Variants in SLC25A41 observed in about 807,000 individuals in gnomAD.
SLC25A41 encodes the protein solute carrier family 25 member 41.
In SLC25A41, 35 loss-of-function variants were observed where a neutral mutation model predicts 34.7. That is an observed-to-expected ratio of 1.01 (90% confidence interval 0.77 to 1.34). The LOEUF is 1.34. Ranked by LOEUF, SLC25A41 falls within the 40% of genes most tolerant of loss-of-function variation. The pLI is 0.00. For synonymous variants in SLC25A41, 190 were observed against 209.9 expected (o/e 0.91, Z 0.82); for missense variants, 492 against 489.8 (o/e 1.00, Z -0.04).
upstream of SLC25A41, among the ~76,000 whole-genome samples, chr19:6,435,627 C>T (rs1038887666): frequency 6.6e-6 from 1 of 151,768 alleles, no homozygotes; most frequent in South Asian, 2.1e-4. Flanking sequence ...GAGGCTGAGG[C>T]GGGAGGATCA....
Position 6,432,153 on chromosome 19 carries a change from C to G in SLC25A41, c.259G>C (p.Asp87His). 1 of 1,613,948 alleles carries G rather than the reference C, an allele frequency of 6.2e-7. No individual in the cohort carries two copies. The highest frequency in any genetic ancestry group is 8.5e-7 in the Non-Finnish European group (1 of 1,179,878). Residue 87 changes from aspartate (D) to histidine (H), a missense_variant, in exon 2 of 7, where the codon GAT becomes CAT. Transcript: ENST00000321510. ...AACTTCCACAAGGCCTCCTTGTTAT[C>G]CACTTCCAGGACTTCCACGGGGACC... is the stretch of plus-strand genomic sequence containing the variant. ...LMVPVEVLEVDNKEALWKFLL... is the reference protein window; with the variant it reads ...LMVPVEVLEVHNKEALWKFLL...
chr19:6,433,787 G>T, upstream of SLC25A41: 1 of 1,083,840 alleles, frequency 9.2e-7, no homozygotes, highest in Non-Finnish European at 1.3e-6. Flanking sequence ...ATTGTGTGGG[G>T]GACCAAGAGG....
chr19:6,427,581 A>G lies in SLC25A41; in HGVS notation c.625-80T>C. 4 of 1,385,290 alleles carry G rather than the reference A, an allele frequency of 2.9e-6. No individual in the cohort carries two copies. In the South Asian group the frequency reaches 6.7e-5, roughly 23 times the overall value. The allele number at this position is 1,385,290 out of a possible 1,614,324, so 85.8% of individuals were successfully genotyped here. A position where few individuals can be genotyped will look rare whatever the true frequency, so the allele number is the denominator to read the frequency against. On this transcript the variant is annotated intron_variant, in intron 4 of 6. Transcript: ENST00000321510. The surrounding 1 kb of genome is among the most constrained non-coding windows in gnomAD (Gnocchi z 4.9). ...TCGGGGTAGCCATTGTCCCCACCCT[A>G]CAAACAAGGAAAATGAGGCTCAGGA...
rs752921774 is a variant in SLC25A41 at position 6,426,524 on chromosome 19, G to C, written c.978C>G (p.Val326=). ...VEGSNPTMRG[V]LQRILAQQGW... ...CCTGCTGGGCCAGGATCCGCTGGAGGACTCCGCGCATGGTGGGATTTGAGC... is the reference window on the plus strand; with the variant it reads ...CCTGCTGGGCCAGGATCCGCTGGAGCACTCCGCGCATGGTGGGATTTGAGC... The change falls in exon 7 of 7, where the codon GTC becomes GTG. Residue 326 remains valine, a synonymous_variant. Coordinates refer to ENST00000321510, the MANE Select transcript of SLC25A41 (RefSeq NM_173637.4). The C allele has an allele frequency of 3.7e-6, 6 of 1,613,346 alleles. No homozygotes were observed. The South Asian group carries it at 5.5e-5, about 15-fold the overall frequency.
At chr19:6,429,189 A>G (rs1194441063) in intron 4 of SLC25A41, among the ~76,000 whole-genome samples, 6 of 80,034 alleles carry the variant, frequency 7.5e-5, no homozygotes, top group African/African-American at 2.8e-4. Flanking sequence ...TATATATGTT[A>G]TATATATAAT....
chr19:6,428,684 T>C (rs2092255723), intron 4 of SLC25A41, among the ~76,000 whole-genome samples: 2 of 147,008 alleles, frequency 1.4e-5, no homozygotes, highest in Admixed American at 1.4e-4. Context: ...GTATATAATA[T>C]ATGTGTATAT....
In SLC25A41 at chr19:6,426,246, C is replaced by G; in HGVS notation, c.*143G>C. 44 of 441,220 alleles carry G rather than the reference C, an allele frequency of 1.0e-4. No homozygotes were observed. The highest frequency in any genetic ancestry group is 1.7e-4 in the East Asian group (3 of 17,570). The allele number at this position is 441,220 out of a possible 1,614,324, so 27.3% of individuals were successfully genotyped here. On this transcript the variant is annotated 3_prime_UTR_variant, in exon 7 of 7. Coordinates refer to ENST00000321510, the MANE Select transcript of SLC25A41 (RefSeq NM_173637.4). ...GCTTCAGGAATCTTCTGACCCAGAG[C>G]CCCACCCCCACCCCCAGCCTGCTTT...
upstream of SLC25A41, chr19:6,436,212 G>T: frequency 3.6e-6 from 1 of 279,530 alleles, no homozygotes; most frequent in South Asian, 3.4e-5. Flanking sequence ...CTCAGGAGCC[G>T]CTGAGCCGGC....
chr19:6,426,556 C>T lies in SLC25A41; in HGVS notation c.946G>A (p.Val316Met), dbSNP rs748864739. 9.3e-6 allele frequency: 15 copies of T among 1,612,394 alleles called. No homozygotes were observed. The highest frequency in any genetic ancestry group is 1.7e-4 in the Middle Eastern group (1 of 5,990). Reference protein sequence around the residue: ...VRTRMQAQDTVEGSNPTMRGV... With the variant: ...VRTRMQAQDTMEGSNPTMRGV... ...CGCATGGTGGGATTTGAGCCCTCCACGGTATCTGCAGGGACACAGGCAAGA... is the reference window on the plus strand; with the variant it reads ...CGCATGGTGGGATTTGAGCCCTCCATGGTATCTGCAGGGACACAGGCAAGA... Residue 316 changes from valine (V) to methionine (M), a missense_variant, in exon 7 of 7, where the codon GTG (valine) becomes ATG (methionine). Val to Met is a conservative substitution (Grantham distance 21). Coordinates refer to ENST00000321510, the MANE Select transcript of SLC25A41 (RefSeq NM_173637.4).
At position 6,429,143 on chromosome 19, in the gene SLC25A41, TAA is replaced by T. The variant is rs1491457179; in HGVS notation, c.624+579_624+580del. 4.3e-3 allele frequency among the ~76,000 whole-genome samples: 194 copies of T among 45,322 alleles called. 42 individuals carry two copies. The highest frequency in any genetic ancestry group is 0.022 in the African/African-American group (188 of 8,518). 29.7% of individuals were successfully genotyped at this position (45,322 alleles called of 152,430 possible). A position where few individuals can be genotyped will look rare whatever the true frequency, so the allele number is the denominator to read the frequency against. On this transcript the variant is annotated intron_variant, in intron 4 of 6. Transcript: ENST00000321510. ...ATTATATATATGTTATATATATATA[TAA>T]TATATATATTATATATATAATATAT...
Position 6,427,411 on chromosome 19 carries a change from G to T in SLC25A41, c.715C>A (p.Arg239Ser). ...GGCAGGTAGCCGCGGTAAAGGGCGC[G>T]GGTGCCCTCTCGCTGCAAGATCTGC... ...ARQILQREGT[R>S]ALYRGYLPNM... The change falls in exon 5 of 7, where the codon CGC becomes AGC. Residue 239 changes from arginine (R) to serine (S), a missense_variant. By Grantham distance (110) the Arg-to-Ser change is moderately radical (BLOSUM62 -1). Coordinates refer to ENST00000321510, the MANE Select transcript of SLC25A41 (RefSeq NM_173637.4). The surrounding 1 kb of genome is among the most constrained non-coding windows in gnomAD (Gnocchi z 4.9). The T allele has an allele frequency of 1.2e-6, 2 of 1,610,534 alleles. No homozygotes were observed. The highest frequency in any genetic ancestry group is 1.7e-5 in the Admixed American group (1 of 59,674).
At chr19:6,432,665 A>G (rs957955694) in intron 1 of SLC25A41, among the ~76,000 whole-genome samples, 1 of 150,722 alleles carries the variant, frequency 6.6e-6, no homozygotes, top group Non-Finnish European at 1.5e-5. Context: ...ATCTTGGCTC[A>G]CTGCAACCGC....
At chr19:6,429,982 G>C (rs769125507) in intron 3 of SLC25A41, 27 bp downstream of exon 3, 20 of 1,607,286 alleles carry the variant, frequency 1.2e-5, no homozygotes, top group Middle Eastern at 3.3e-4. Flanking sequence ...GGCTTGAGCT[G>C]GGGGAAGCAG....
In SLC25A41 at chr19:6,432,083, G is replaced by A. The variant is rs200270386; in HGVS notation, c.329C>T (p.Thr110Met). Residue 110 changes from threonine to methionine, a missense_variant, in exon 2 of 7, where the codon ACG (threonine) becomes ATG (methionine). Physicochemically the swap from Thr to Met is moderately conservative, Grantham distance 81. Transcript: ENST00000321510. ...CACCTTGGCTCTGTCCAGAGGTGCC[G>A]TGCCCGTGCGAGACACCGCCCCGGC... ...AMAGAVSRTG[T>M]APLDRAKVYM... 625 of 1,613,738 alleles carry A rather than the reference G, an allele frequency of 3.9e-4. 1 individual carries two copies. The highest frequency in any genetic ancestry group is 5.1e-4 in the South Asian group (46 of 91,070).
chr19:6,434,951 C>A (rs977657192), upstream of SLC25A41, among the ~76,000 whole-genome samples: 1 of 151,154 alleles, frequency 6.6e-6, no homozygotes. Flanking sequence ...GGCTGGGCGC[C>A]GTGGCTCATT....
Position 6,432,062 on chromosome 19 carries a change from T to C in SLC25A41, c.350A>G (p.Lys117Arg). Residue 117 changes from lysine to arginine, a missense_variant, in exon 2 of 7, where the codon AAG becomes AGG. By Grantham distance (26) the Lys-to-Arg change is conservative (BLOSUM62 2). Transcript: ENST00000321510. ...ACCCACACAAACCTGCATGTACACC[T>C]TGGCTCTGTCCAGAGGTGCCGTGCC... ...RTGTAPLDRAKVYMQVYSSKT... is the reference protein window; with the variant it reads ...RTGTAPLDRARVYMQVYSSKT... 6.2e-7 allele frequency: 1 copy of C among 1,612,756 alleles called. No homozygotes were observed. Among genetic ancestry groups the C allele is most frequent in the Non-Finnish European group, 8.5e-7 (1 of 1,179,240 alleles).
At chr19:6,433,375 G>T in intron 1 of SLC25A41, 112 bp downstream of exon 1, 1 of 1,095,538 alleles carries the variant, frequency 9.1e-7, no homozygotes, top group South Asian at 1.3e-5. Context: ...GCTTCAAGGT[G>T]GAATTCTAGG....
In SLC25A41 at chr19:6,433,745, C is replaced by T. The variant is rs2145150196; in HGVS notation, c.-52G>A. 7.1e-7 allele frequency: 1 copy of T among 1,405,728 alleles called. No homozygotes were observed. Among genetic ancestry groups the T allele is most frequent in the Non-Finnish European group, 9.6e-7 (1 of 1,045,282 alleles). The allele number at this position is 1,405,728 out of a possible 1,614,324, so 87.1% of individuals were successfully genotyped here. ...AATCCCTAAGCAGTTGTTTGCTGCTCCAGCTACCATGCGGGAGTGTCTAGT... is the reference window on the plus strand; with the variant it reads ...AATCCCTAAGCAGTTGTTTGCTGCTTCAGCTACCATGCGGGAGTGTCTAGT... On this transcript the variant is annotated 5_prime_UTR_variant, in exon 1 of 7. Transcript: ENST00000321510.
Position 6,426,383 on chromosome 19 carries a change from C to T in SLC25A41, c.*6G>A, listed in dbSNP as rs200564225. 2.6e-4 allele frequency: 424 copies of T among 1,611,810 alleles called. 2 individuals are homozygous for T. Among genetic ancestry groups the T allele is most frequent in the Admixed American group, 1.3e-4 (8 of 59,968 alleles). The stretch of plus-strand genomic sequence containing the variant: ...TCTGCCTAGGCTGTGTCGTCCAGCT[C>T]ACAGCCTATATGCCCAGGGTTTTCT... On this transcript the variant is annotated 3_prime_UTR_variant, in exon 7 of 7. Transcript: ENST00000321510.
Sources: gnomAD v4.1 joint callset for allele counts (sites outside exome capture counted in the v4.1 genomes callset) on GRCh38, gnomAD v4.1.1 for gene constraint, Gnocchi (gnomAD v3.1) non-coding constraint, MANE v1.5 for transcripts, NCBI Gene and HGNC (gene_info 2026-07-23, HGNC 2026-07-21) for gene names.